Variants in FFAR4 observed in about 807,000 individuals in gnomAD.
FFAR4 encodes free fatty acid receptor 4.
A neutral mutation model predicts 27.0 loss-of-function variants in FFAR4; 19 were observed. The observed-to-expected ratio is 0.70, with a 90% CI of 0.49 to 1.03. The LOEUF (loss-of-function observed/expected upper bound fraction) is 1.03. Among genes scored for constraint, FFAR4 ranks in the 50% least tolerant of loss-of-function variants. The pLI is 0.00. For synonymous variants in FFAR4, 254 were observed against 215.6 expected (o/e 1.18, Z -1.56); for missense variants, 476 against 479.0 (o/e 0.99, Z 0.06).
intron 2 of FFAR4, among the ~76,000 whole-genome samples, chr10:93,578,227 G>A (rs557926691): frequency 3.3e-5 from 5 of 151,954 alleles, no homozygotes; most frequent in East Asian, 3.9e-4. Context: ...GGCCAGCCTC[G>A]CCAACATGGT....
chr10:93,577,452 G>A (rs2058170537), intron 2 of FFAR4, among the ~76,000 whole-genome samples: 1 of 152,102 alleles, frequency 6.6e-6, no homozygotes, highest in Non-Finnish European at 1.5e-5. Context: ...TGGGTCCTGT[G>A]GGAGATGGCC....
intron 1 of FFAR4, among the ~76,000 whole-genome samples, chr10:93,574,700 A>T (rs2058152580): frequency 6.6e-6 from 1 of 151,984 alleles, no homozygotes; most frequent in Non-Finnish European, 1.5e-5. Flanking sequence ...CATTCTGGCT[A>T]ACATGGTGAA....
chr10:93,578,223 C>A (rs1247879404), intron 2 of FFAR4, among the ~76,000 whole-genome samples: 5 of 151,934 alleles, frequency 3.3e-5, no homozygotes, highest in Non-Finnish European at 7.4e-5. Flanking sequence ...TCAAGGCCAG[C>A]CTCGCCAACA....
At chr10:93,575,511 C>T (rs2058158662) in intron 1 of FFAR4, among the ~76,000 whole-genome samples, 1 of 152,240 alleles carries the variant, frequency 6.6e-6, no homozygotes, top group Admixed American at 6.5e-5. Context: ...TGAGTGGAGG[C>T]TGATCTTTGC....
At position 93,587,494 on chromosome 10, in the gene FFAR4, C is replaced by A. The variant is rs758457109; in HGVS notation, c.971C>A (p.Thr324Lys). The A allele has an allele frequency of 6.2e-7, 1 of 1,614,176 alleles. No homozygotes were observed. The highest frequency in any genetic ancestry group is 1.7e-5 in the Admixed American group (1 of 60,026). ...SALNPILYNM[T>K]LCRNEWKKIF... is the part of the protein sequence containing the mutation. Reference sequence around the variant, plus strand: ...CTAAACCCCATCCTCTACAACATGACACTGTGCAGGAATGAGTGGAAGAAA... The same window carrying A: ...CTAAACCCCATCCTCTACAACATGAAACTGTGCAGGAATGAGTGGAAGAAA... Residue 324 changes from threonine to lysine, a missense_variant, in exon 3 of 3, where the codon ACA becomes AAA. By Grantham distance (78) the Thr-to-Lys change is moderately conservative. Transcript: ENST00000371481.
At chr10:93,569,880 G>A (rs896573315) in intron 1 of FFAR4, among the ~76,000 whole-genome samples, 1 of 151,802 alleles carries the variant, frequency 6.6e-6, no homozygotes, top group Non-Finnish European at 1.5e-5. Context: ...CCAACGTGGT[G>A]AAACCCCATC....
chr10:93,579,180 G>A, intron 2 of FFAR4: 1 of 1,614,114 alleles, frequency 6.2e-7, no homozygotes, highest in Non-Finnish European at 8.5e-7. Flanking sequence ...CCTCCTGGAT[G>A]CAAGAGCTGT....
At chr10:93,571,073 T>C (rs1237480360) in intron 1 of FFAR4, among the ~76,000 whole-genome samples, 2 of 152,194 alleles carry the variant, frequency 1.3e-5, no homozygotes, top group Admixed American at 6.5e-5. Flanking sequence ...TTTTAAACAT[T>C]CTTCAAACAG....
At chr10:93,570,188 T>A (rs971049806) in intron 1 of FFAR4, among the ~76,000 whole-genome samples, 12 of 148,660 alleles carry the variant, frequency 8.1e-5, no homozygotes, top group African/African-American at 2.0e-4. Flanking sequence ...TCTGTCTCTC[T>A]CACACACACA....
rs2058104394 is a variant in FFAR4, at chr10:93,567,269, G to A, written c.549G>A (p.Arg183=). ...LCVFFRVVPQ[R]LPGADQEISI... The stretch of plus-strand genomic sequence containing the variant: ...TCTTCTTCCGAGTCGTCCCGCAACG[G>A]CTCCCCGGCGCCGACCAGGTGAGCG... Residue 183 remains arginine, a synonymous_variant, in exon 1 of 3, where the codon CGG becomes CGA. Transcript: ENST00000371481. 6 of 1,599,338 alleles carry A rather than the reference G, an allele frequency of 3.8e-6. No individual in the cohort carries two copies. Among genetic ancestry groups the A allele is most frequent in the East Asian group, 4.5e-5 (2 of 44,848 alleles).
chr10:93,585,937 G>A (rs943577946), intron 2 of FFAR4, among the ~76,000 whole-genome samples: 3 of 152,150 alleles, frequency 2.0e-5, no homozygotes, highest in Admixed American at 1.3e-4. Flanking sequence ...CTGACTCAGG[G>A]GCCTGTAGGC....
In FFAR4 at chr10:93,566,724, T is replaced by A. The variant is rs111335274; in HGVS notation, c.4T>A (p.Ser2Thr). The change falls in exon 1 of 3, where the codon TCC becomes ACC. Residue 2 changes from serine to threonine, a missense_variant. Physicochemically the swap from Ser to Thr is moderately conservative, Grantham distance 58. Coordinates refer to ENST00000371481, the MANE Select transcript of FFAR4 (RefSeq NM_001195755.2). Reference sequence around the variant, plus strand: ...TGCGGGCCGCCAGGCGCCGGGAATGTCCCCTGAATGCGCGCGGGCAGCGGG... The same window carrying A: ...TGCGGGCCGCCAGGCGCCGGGAATGACCCCTGAATGCGCGCGGGCAGCGGG... M[S>T]PECARAAGDA... The A allele has an allele frequency of 4.8e-5, 76 of 1,586,620 alleles. No homozygotes were observed. The highest frequency in any genetic ancestry group is 6.1e-5 in the Non-Finnish European group (71 of 1,170,586).
intron 1 of FFAR4, among the ~76,000 whole-genome samples, chr10:93,573,674 C>A (rs1240934802): frequency 2.0e-5 from 3 of 152,178 alleles, no homozygotes; most frequent in African/African-American, 7.2e-5. Flanking sequence ...AGTTGCACTG[C>A]CTCTCAGTTC....
intron 1 of FFAR4, among the ~76,000 whole-genome samples, chr10:93,575,315 C>T (rs931640683): frequency 6.6e-6 from 1 of 152,188 alleles, no homozygotes; most frequent in Admixed American, 6.5e-5. Context: ...TTTCATTGGC[C>T]TATTTATTCA....
intron 2 of FFAR4, among the ~76,000 whole-genome samples, chr10:93,586,822 T>C (rs1484953717): frequency 2.6e-5 from 4 of 152,128 alleles, no homozygotes; most frequent in Non-Finnish European, 5.9e-5. Context: ...AGGGTGGAAA[T>C]AGAGGGTAGA....
chr10:93,567,070 T>C lies in FFAR4; in HGVS notation c.350T>C (p.Val117Ala), dbSNP rs2058101937. ...GPVACHLLFY[V>A]MTLSGSVTIL... ...GTTGCCTGCCACCTGCTCTTCTACG[T>C]GATGACCCTGAGCGGCAGCGTCACC... The change falls in exon 1 of 3, where the codon GTG becomes GCG. Residue 117 changes from valine to alanine, a missense_variant. Physicochemically the swap from Val to Ala is moderately conservative, Grantham distance 64. Coordinates refer to ENST00000371481, the MANE Select transcript of FFAR4 (RefSeq NM_001195755.2). 2 of 1,611,206 alleles carry C rather than the reference T, an allele frequency of 1.2e-6. No homozygotes were observed. The highest frequency in any genetic ancestry group is 1.7e-6 in the Non-Finnish European group (2 of 1,179,638).
chr10:93,572,554 G>A (rs538633766), intron 1 of FFAR4, among the ~76,000 whole-genome samples: 5 of 152,174 alleles, frequency 3.3e-5, no homozygotes, highest in Non-Finnish European at 7.4e-5. Flanking sequence ...AGGGTTGGGG[G>A]TAGGCCAGTG....
rs1015393562 is a variant in FFAR4, at chr10:93,588,118, T to C, written c.*509T>C. 6.5e-6 allele frequency: 1 copy of C among 152,678 alleles called. No individual in the cohort carries two copies. The highest frequency in any genetic ancestry group is 1.5e-5 in the Non-Finnish European group (1 of 68,612). The allele number at this position is 152,678 out of a possible 1,614,324, so 9.5% of individuals were successfully genotyped here. On this transcript the variant is annotated 3_prime_UTR_variant, in exon 3 of 3. Coordinates refer to ENST00000371481, the MANE Select transcript of FFAR4 (RefSeq NM_001195755.2). ...AAAAAAAAAAAAAAAAGATTTGTTA[T>C]GGGTTCCTTTTAAATGTGAACTTTT...
chr10:93,568,706 A>G (rs2058114491), intron 1 of FFAR4, among the ~76,000 whole-genome samples: 1 of 152,146 alleles, frequency 6.6e-6, no homozygotes, highest in Non-Finnish European at 1.5e-5. Context: ...TATTGGGGGT[A>G]GGATGGATGG....
Sources: allele counts gnomAD v4.1 joint callset (sites outside exome capture counted in the v4.1 genomes callset), GRCh38; gene constraint gnomAD v4.1.1; transcripts MANE v1.5; gene names NCBI Gene and HGNC (gene_info 2026-07-23, HGNC 2026-07-21).